ISM1: variants seen among roughly 807,000 people sequenced by gnomAD.
ISM1 encodes the protein isthmin 1, also known as isthmin-1.
In ISM1, 25 loss-of-function variants were observed where a neutral mutation model predicts 46.3. The ratio of observed to expected loss-of-function variants is 0.54; its 90% CI spans 0.39 to 0.75. The LOEUF (loss-of-function observed/expected upper bound fraction) is 0.75. Ranked by LOEUF, ISM1 falls within the 30% of genes least tolerant of loss-of-function variation. ISM1 has a pLI of 0.00. For missense variants in ISM1, 536 were observed against 625.4 expected (o/e 0.86, Z 1.52); for synonymous variants, 255 against 256.7 (o/e 0.99, Z 0.06).
intron 3 of ISM1, among the ~76,000 whole-genome samples, chr20:13,286,305 C>G (rs1383872579): frequency 6.6e-6 from 1 of 151,644 alleles, no homozygotes; most frequent in Non-Finnish European, 1.5e-5. Flanking sequence ...CTGAGAGACA[C>G]CAGACTGCAA....
chr20:13,278,111 C>T (rs1307483712), intron 2 of ISM1, among the ~76,000 whole-genome samples: 1 of 152,146 alleles, frequency 6.6e-6, no homozygotes, highest in Non-Finnish European at 1.5e-5. Context: ...TTCATTTGCA[C>T]ATAACTCATC....
intron 1 of ISM1, among the ~76,000 whole-genome samples, chr20:13,223,281 A>G (rs1416096543): frequency 1.3e-5 from 2 of 152,116 alleles, no homozygotes; most frequent in African/African-American, 4.8e-5. Context: ...CACTTTTTAC[A>G]TCTTTATACA....
chr20:13,297,930 G>T (rs764117526), intron 5 of ISM1, among the ~76,000 whole-genome samples: 1 of 152,060 alleles, frequency 6.6e-6, no homozygotes, highest in South Asian at 2.1e-4. Context: ...TCTTTGAGGC[G>T]CCTTGCCATG....
chr20:13,239,493 T>G (rs2039691956), intron 1 of ISM1: 1 of 152,256 alleles, frequency 6.6e-6, no homozygotes, highest in Non-Finnish European at 1.5e-5. Flanking sequence ...GGAATTATTG[T>G]GGTGTGCCCC....
intron 1 of ISM1, among the ~76,000 whole-genome samples, chr20:13,256,211 C>T (rs1483791930): frequency 6.6e-6 from 1 of 151,892 alleles, no homozygotes; most frequent in Non-Finnish European, 1.5e-5. Context: ...GCCTGGCCAA[C>T]ATGGTGAAAC....
chr20:13,290,336 G>C (rs2040339089), intron 4 of ISM1, among the ~76,000 whole-genome samples: 2 of 152,112 alleles, frequency 1.3e-5, no homozygotes, highest in Non-Finnish European at 2.9e-5. Context: ...TAATGATGAA[G>C]GTAAAAAGAT....
At chr20:13,265,303 C>T (rs1218643052) in intron 1 of ISM1, among the ~76,000 whole-genome samples, 1 of 152,130 alleles carries the variant, frequency 6.6e-6, no homozygotes, top group Non-Finnish European at 1.5e-5. Context: ...CCTCTGAAAA[C>T]CTTTCTTTCT....
At chr20:13,312,248 C>T in the ISM1 span, among the ~76,000 whole-genome samples, 1 of 152,140 alleles carries the variant, frequency 6.6e-6, no homozygotes, top group Non-Finnish European at 1.5e-5. Flanking sequence ...AGATGGGATC[C>T]TACAAAGCCA....
chr20:13,256,862 C>T (rs2039935415), intron 1 of ISM1, among the ~76,000 whole-genome samples: 2 of 152,042 alleles, frequency 1.3e-5, no homozygotes, highest in South Asian at 2.1e-4. Flanking sequence ...AGAAGTGATA[C>T]GTAAAAGTGT....
the ISM1 span, among the ~76,000 whole-genome samples, chr20:13,320,809 G>A: frequency 6.6e-6 from 1 of 152,102 alleles, no homozygotes; most frequent in Non-Finnish European, 1.5e-5. Flanking sequence ...AGTGGGAAAG[G>A]GCTTCCCAGA....
Position 13,279,697 on chromosome 20 carries a change from A to G in ISM1, c.442A>G (p.Lys148Glu). Reference protein sequence around the residue: ...EADKDQHPENKPSWSVPSPDW... With the variant: ...EADKDQHPENEPSWSVPSPDW... ...AGATAAAGATCAGCATCCGGAGAATAAGCCCAGCTGGTCAGTCCCATCCCC... is the reference window on the plus strand; with the variant it reads ...AGATAAAGATCAGCATCCGGAGAATGAGCCCAGCTGGTCAGTCCCATCCCC... The change falls in exon 3 of 6, where the codon AAG becomes GAG. Residue 148 changes from lysine to glutamate, a missense_variant. By Grantham distance (56) the Lys-to-Glu change is moderately conservative (BLOSUM62 1). This residue lies in a region of ISM1 where 367 missense variants were observed against 376.1 expected (regional missense o/e 0.98). Transcript: ENST00000262487. 3 of 1,613,984 alleles carry G rather than the reference A, an allele frequency of 1.9e-6. No individual in the cohort carries two copies. The highest frequency in any genetic ancestry group is 2.5e-6 in the Non-Finnish European group (3 of 1,179,890).
At chr20:13,311,951 G>A in the ISM1 span, among the ~76,000 whole-genome samples, 1 of 152,168 alleles carries the variant, frequency 6.6e-6, no homozygotes, top group Admixed American at 6.5e-5. Flanking sequence ...CAAAAAAAAT[G>A]AATGTGGTGA....
At chr20:13,248,962 G>A (rs6109776) in intron 1 of ISM1, among the ~76,000 whole-genome samples, 4 of 152,142 alleles carry the variant, frequency 2.6e-5, no homozygotes, top group East Asian at 3.9e-4. Context: ...CTTCTTAAGC[G>A]GCTTGTACAG....
chr20:13,255,682 A>G (rs148144268), intron 1 of ISM1, among the ~76,000 whole-genome samples: 1,884 of 152,342 alleles, frequency 0.012, 18 homozygotes, highest in Middle Eastern at 0.034. Context: ...AATTACAACA[A>G]GTCATTCCCT....
the ISM1 span, among the ~76,000 whole-genome samples, chr20:13,315,123 CAAAA>C: frequency 1.7e-5 from 2 of 117,360 alleles, no homozygotes; most frequent in African/African-American, 5.8e-5. Context: ...GAATGGAAGA[CAAAA>C]ACAGCAAAAA....
chr20:13,258,645 G>C (rs991804140), intron 1 of ISM1, among the ~76,000 whole-genome samples: 1 of 151,958 alleles, frequency 6.6e-6, no homozygotes. Context: ...CTCTTTTCTC[G>C]AACCTCAGTT....
In ISM1 at chr20:13,288,738, T is replaced by C. The variant is rs573572708; in HGVS notation, c.787+55T>C. The C allele has an allele frequency of 2.0e-6, 3 of 1,527,628 alleles. No individual in the cohort carries two copies. In the South Asian group the frequency reaches 3.5e-5, roughly 18 times the overall value. The allele number at this position is 1,527,628 out of a possible 1,614,324, so 94.6% of individuals were successfully genotyped here. ...TTCAAGGGGAAAGCTTTTTAATTTA[T>C]CATTAAAAACTTAGTGACATTGTCT... On this transcript the variant is annotated intron_variant, in intron 4 of 5. Coordinates refer to ENST00000262487, the MANE Select transcript of ISM1 (RefSeq NM_080826.2).
chr20:13,237,610 CT>C (rs2039666895), intron 1 of ISM1, among the ~76,000 whole-genome samples: 1 of 152,142 alleles, frequency 6.6e-6, no homozygotes, highest in Non-Finnish European at 1.5e-5. Flanking sequence ...AATGTTTTGC[CT>C]CTTGATCTAG....
rs1406306381 is a variant in ISM1, at chr20:13,298,947, G to C, written c.883G>C (p.Asp295His). ...NATKLFEVDTDSCERWMSCKS... is the reference protein window; with the variant it reads ...NATKLFEVDTHSCERWMSCKS... ...TTCTCTTTGGCCTTTTCCAGACACAGACAGCTGTGAGCGCTGGATGAGCTG... is the reference window on the plus strand; with the variant it reads ...TTCTCTTTGGCCTTTTCCAGACACACACAGCTGTGAGCGCTGGATGAGCTG... Residue 295 changes from aspartate to histidine, a missense_variant, in exon 6 of 6, where the codon GAC (aspartate) becomes CAC (histidine). Coordinates refer to ENST00000262487, the MANE Select transcript of ISM1 (RefSeq NM_080826.2). 6.2e-7 allele frequency: 1 copy of C among 1,612,966 alleles called. No individual in the cohort carries two copies. Among genetic ancestry groups the C allele is most frequent in the Non-Finnish European group, 8.5e-7 (1 of 1,179,424 alleles).
Sources: gnomAD v4.1 joint callset for allele counts (sites outside exome capture counted in the v4.1 genomes callset) on GRCh38, gnomAD v4.1.1 for gene constraint, gnomAD v4.1.1 regional missense constraint, MANE v1.5 for transcripts, NCBI Gene and HGNC (gene_info 2026-07-23, HGNC 2026-07-21) for gene names.